Variants in PDE4D observed in about 807,000 individuals in gnomAD.
PDE4D encodes the protein phosphodiesterase 4D, also known as 3',5'-cyclic-AMP phosphodiesterase 4D.
A neutral mutation model predicts 87.4 loss-of-function variants in PDE4D; 24 were observed. The ratio of observed to expected loss-of-function variants is 0.27; its 90% CI spans 0.20 to 0.39. The LOEUF (loss-of-function observed/expected upper bound fraction) is 0.39, where lower values mean the gene tolerates loss of function less well. Ranked by LOEUF, PDE4D falls within the 10% of genes least tolerant of loss-of-function variation. The probability of loss-of-function intolerance (pLI) is 1.00; values close to 1 mark genes in which losing one functional copy is unlikely to be tolerated. For synonymous variants in PDE4D, 384 were observed against 383.2 expected, an observed-to-expected ratio of 1.00 and a Z score of -0.02; for missense variants, 714 against 1,041.0, an observed-to-expected ratio of 0.69 and a Z score of 4.32.
At chr5:60,277,619 T>C (rs944944086) in intron 1 of PDE4D, among the ~76,000 whole-genome samples, 5 of 152,144 alleles carry the variant, frequency 3.3e-5, no homozygotes, top group Non-Finnish European at 7.4e-5. Flanking sequence ...ATAGATTTTA[T>C]GTCTTCTTAC....
chr5:60,105,858 C>A (rs997770692), intron 2 of PDE4D, among the ~76,000 whole-genome samples: 1 of 152,128 alleles, frequency 6.6e-6, no homozygotes, highest in African/African-American at 2.4e-5. Flanking sequence ...CAGAAGGAAG[C>A]ACTAAATATG....
chr5:59,831,326 C>CAAAAAA (rs35043596), intron 1 of PDE4D, among the ~76,000 whole-genome samples: 4 of 91,356 alleles, frequency 4.4e-5, no homozygotes, highest in East Asian at 3.3e-4. Flanking sequence ...AAATTATTCT[C>CAAAAAA]AAAAAAAAAA....
At chr5:59,710,524 A>G (rs1180892443) in intron 1 of PDE4D, among the ~76,000 whole-genome samples, 1 of 152,202 alleles carries the variant, frequency 6.6e-6, no homozygotes, top group East Asian at 1.9e-4. Context: ...TGTTCTCATA[A>G]CAGGGAAAAT....
At chr5:59,683,203 G>A (rs1195938337) in intron 1 of PDE4D, among the ~76,000 whole-genome samples, 2 of 152,100 alleles carry the variant, frequency 1.3e-5, no homozygotes, top group African/African-American at 4.8e-5. Context: ...ATAAGGAAAC[G>A]TGTGTATGGG....
rs1277609577 is a variant in PDE4D at position 58,974,301 on chromosome 5, AATATTGCAAACAAATAAAAAGGAAT to A, written c.*338_*362del. On this transcript the variant is annotated 3_prime_UTR_variant, in exon 15 of 15. Coordinates refer to ENST00000340635, the MANE Select transcript of PDE4D (RefSeq NM_001104631.2). Reference sequence around the variant, plus strand: ...CTCTGTGCAATGCCTTTCTTCTGAAAATATTGCAAACAAATAAAAAGGAATAGAAACCCCAAGTCCAATAAACTTT... The same window carrying A: ...CTCTGTGCAATGCCTTTCTTCTGAAAAGAAACCCCAAGTCCAATAAACTTT... 2 of 161,656 alleles carry A rather than the reference AATATTGCAAACAAATAAAAAGGAAT, an allele frequency of 1.2e-5. No individual in the cohort carries two copies. Among genetic ancestry groups the A allele is most frequent in the African/African-American group, 4.9e-5 (2 of 41,002 alleles). The allele number at this position is 161,656 out of a possible 1,614,324, so 10.0% of individuals were successfully genotyped here. A position where few individuals can be genotyped will look rare whatever the true frequency, so the allele number is the denominator to read the frequency against.
At chr5:58,995,455 G>A (rs1460809491) in intron 6 of PDE4D, among the ~76,000 whole-genome samples, 1 of 152,072 alleles carries the variant, frequency 6.6e-6, no homozygotes, top group African/African-American at 2.4e-5. Flanking sequence ...AATATTTGTA[G>A]ACATTTATAA....
chr5:59,306,026 A>C (rs1394600286), intron 1 of PDE4D, among the ~76,000 whole-genome samples: 1 of 152,062 alleles, frequency 6.6e-6, no homozygotes, highest in East Asian at 1.9e-4. Flanking sequence ...TGTCTATCTC[A>C]TTTCTTAGGT....
intron 1 of PDE4D, among the ~76,000 whole-genome samples, chr5:59,608,408 TA>T (rs1828518634): frequency 1.3e-5 from 2 of 152,280 alleles, no homozygotes; most frequent in African/African-American, 4.8e-5. Flanking sequence ...AACAACCACC[TA>T]AACACAAGGG....
chr5:59,459,012 C>T (rs919819420), intron 1 of PDE4D, among the ~76,000 whole-genome samples: 3 of 152,130 alleles, frequency 2.0e-5, no homozygotes, highest in African/African-American at 7.2e-5. Flanking sequence ...TATTTTCCTT[C>T]ATGATTGAAT....
At chr5:59,574,422 C>A (rs1319747869) in intron 1 of PDE4D, among the ~76,000 whole-genome samples, 1 of 151,564 alleles carries the variant, frequency 6.6e-6, no homozygotes, top group Non-Finnish European at 1.5e-5. Flanking sequence ...AATGTATTAT[C>A]TCATTGAATC....
At chr5:60,360,510 AC>A (rs1759970145) in intron 1 of PDE4D, among the ~76,000 whole-genome samples, 1 of 152,314 alleles carries the variant, frequency 6.6e-6, no homozygotes, top group Non-Finnish European at 1.5e-5. Flanking sequence ...ACCACCACAC[AC>A]ATCTGCTATT....
At chr5:59,918,035 ACAAT>A (rs1754263055) in intron 3 of PDE4D, among the ~76,000 whole-genome samples, 1 of 152,042 alleles carries the variant, frequency 6.6e-6, no homozygotes, top group Admixed American at 6.5e-5. Context: ...TATACTATAC[ACAAT>A]CAATTACACA....
chr5:59,831,902 C>T (rs72751288), intron 1 of PDE4D, among the ~76,000 whole-genome samples: 34,157 of 151,944 alleles, frequency 0.22, 4,874 homozygotes, highest in Admixed American at 0.34. Context: ...TTTGACTCAG[C>T]AACATAAGTC....
At chr5:59,142,304 T>C (rs1401962323) in intron 5 of PDE4D, among the ~76,000 whole-genome samples, 1 of 152,230 alleles carries the variant, frequency 6.6e-6, no homozygotes, top group African/African-American at 2.4e-5. Flanking sequence ...TTCCTCCCTA[T>C]AGAGTCTCCT....
chr5:60,115,649 T>C (rs776596413), intron 2 of PDE4D, among the ~76,000 whole-genome samples: 1 of 152,072 alleles, frequency 6.6e-6, no homozygotes, highest in Non-Finnish European at 1.5e-5. Flanking sequence ...AACAGCCAGT[T>C]AGTGACAGAA....
intron 2 of PDE4D, among the ~76,000 whole-genome samples, chr5:60,063,733 A>T (rs1226561829): frequency 6.6e-6 from 1 of 152,126 alleles, no homozygotes; most frequent in Non-Finnish European, 1.5e-5. Context: ...TTAATAGATT[A>T]TTTTTGATGG....
At chr5:59,017,723 A>T (rs1053477789) in intron 6 of PDE4D, among the ~76,000 whole-genome samples, 1 of 152,220 alleles carries the variant, frequency 6.6e-6, no homozygotes, top group Non-Finnish European at 1.5e-5. Context: ...AAACTTCCTT[A>T]TCCAAGGCCG....
At chr5:59,374,251 A>G (rs1296071240) in intron 1 of PDE4D, among the ~76,000 whole-genome samples, 1 of 152,200 alleles carries the variant, frequency 6.6e-6, no homozygotes, top group Non-Finnish European at 1.5e-5. Flanking sequence ...TAAAGAATCG[A>G]GACTCACTGG....
chr5:59,208,472 T>C lies in PDE4D; in HGVS notation c.647+7305A>G, dbSNP rs1026463763. ...TACTACATATAACTCAATTAATTCG[T>C]TATTTTAAAGGTTAGAGCACTGGCA... On this transcript the variant is annotated intron_variant, in intron 2 of 14. Coordinates refer to ENST00000340635, the MANE Select transcript of PDE4D (RefSeq NM_001104631.2). Among the ~76,000 whole-genome samples, 12 of 152,368 alleles carry C rather than the reference T, an allele frequency of 7.9e-5. No individual in the cohort carries two copies. The South Asian group carries it at 2.3e-3, about 29-fold the overall frequency.
Sources: allele counts gnomAD v4.1 joint callset (sites outside exome capture counted in the v4.1 genomes callset), GRCh38; gene constraint gnomAD v4.1.1; transcripts MANE v1.5; gene names NCBI Gene and HGNC (gene_info 2026-07-23, HGNC 2026-07-21).